Variants in HEXB observed in about 807,000 individuals in gnomAD.
HEXB encodes the protein beta-hexosaminidase subunit beta.
Under a neutral mutation model 71.2 loss-of-function variants are expected in HEXB, and 51 were observed. The observed-to-expected ratio is 0.72, with a 90% CI of 0.57 to 0.90. The LOEUF is 0.90. Among genes scored for constraint, HEXB ranks in the 40% least tolerant of loss-of-function variants. HEXB has a pLI of 0.00. For synonymous variants in HEXB, 266 were observed against 249.3 expected (o/e 1.07, Z -0.63); for missense variants, 617 against 677.0 (o/e 0.91, Z 0.98).
At chr5:74,661,551 GTGTGTGTGTGTGTCTCTC>G (rs1185147533) in intron 1 of HEXB, among the ~76,000 whole-genome samples, 36 of 63,656 alleles carry the variant, frequency 5.7e-4, no homozygotes, top group South Asian at 9.5e-4. Context: ...GTGTGTGTGT[GTGTGTGTGTGTGTCTCTC>G]TCTCTCTCTC....
At chr5:74,657,320 G>A (rs1221430349) in intron 1 of HEXB, among the ~76,000 whole-genome samples, 1 of 152,126 alleles carries the variant, frequency 6.6e-6, no homozygotes, top group African/African-American at 2.4e-5. Flanking sequence ...TCAGGACACT[G>A]GCACTTACTG....
intron 1 of HEXB, among the ~76,000 whole-genome samples, chr5:74,664,054 G>A (rs1372364382): frequency 1.3e-5 from 2 of 152,070 alleles, no homozygotes; most frequent in Non-Finnish European, 2.9e-5. Flanking sequence ...TCAGGAGTTT[G>A]TGACCAGGCT....
upstream of HEXB, among the ~76,000 whole-genome samples, chr5:74,682,874 G>T (rs930939331): frequency 2.0e-5 from 3 of 152,142 alleles, no homozygotes; most frequent in African/African-American, 7.2e-5. Flanking sequence ...TATAACAAAA[G>T]AGCAGATTAA....
chr5:74,665,414 CTGTGTG>C (rs34012729), intron 1 of HEXB, among the ~76,000 whole-genome samples: 2 of 150,094 alleles, frequency 1.3e-5, no homozygotes, highest in Non-Finnish European at 3.0e-5. Context: ...ACACTTTTCT[CTGTGTG>C]TGTGTGTGTG....
Position 74,693,715 on chromosome 5 carries a change from T to C in HEXB, c.511+11T>C. The C allele has an allele frequency of 2.5e-6, 4 of 1,601,286 alleles. No homozygotes were observed. The highest frequency in any genetic ancestry group is 3.4e-6 in the Non-Finnish European group (4 of 1,168,276). On this transcript the variant is annotated intron_variant, in intron 3 of 13. Coordinates refer to ENST00000261416, the MANE Select transcript of HEXB (RefSeq NM_000521.4). ...GGGGAGCATTACGAGGTAAGTTCCA[T>C]GCAGTTTCATTGTTACTTTCCAGTA...
At chr5:74,717,557 T>C (rs1749701779) in intron 9 of HEXB, among the ~76,000 whole-genome samples, 1 of 151,852 alleles carries the variant, frequency 6.6e-6, no homozygotes, top group African/African-American at 2.4e-5. Context: ...TGGCAAACTT[T>C]TTCTGTAAAG....
chr5:74,650,731 C>T (rs780357278), intron 1 of HEXB, among the ~76,000 whole-genome samples: 1 of 151,546 alleles, frequency 6.6e-6, no homozygotes, highest in Non-Finnish European at 1.5e-5. Flanking sequence ...ACCATCCGGG[C>T]TAACACGGTG....
At chr5:74,650,876 G>A (rs184589309) in intron 1 of HEXB, among the ~76,000 whole-genome samples, 1,654 of 147,894 alleles carry the variant, frequency 0.011, 25 homozygotes, top group African/African-American at 0.038. Context: ...CAGTGAGCTG[G>A]GATCACGCCA....
chr5:74,719,299 A>G (rs2112181710), intron 11 of HEXB, among the ~76,000 whole-genome samples: 1 of 152,254 alleles, frequency 6.6e-6, no homozygotes, highest in Non-Finnish European at 1.5e-5. Context: ...TGATTGCATT[A>G]ACCTTACATG....
chr5:74,718,378 G>A lies in HEXB; in HGVS notation c.1242+15G>A. 1 of 1,546,338 alleles carries A rather than the reference G, an allele frequency of 6.5e-7. No individual in the cohort carries two copies. Among genetic ancestry groups the A allele is most frequent in the South Asian group, 1.1e-5 (1 of 89,726 alleles). On this transcript the variant is annotated intron_variant, in intron 10 of 13. Transcript: ENST00000261416. Reference sequence around the variant, plus strand: ...ATAAAGCAAAGGTGAGCATTGTGAAGACTGCATCTGATCAATATAAGAGAC... The same window carrying A: ...ATAAAGCAAAGGTGAGCATTGTGAAAACTGCATCTGATCAATATAAGAGAC...
At chr5:74,716,861 C>A in intron 9 of HEXB, 188 bp downstream of exon 9, 1 of 482,126 alleles carries the variant, frequency 2.1e-6, no homozygotes. Context: ...TTTCCAATAG[C>A]TGTTGAAATA....
intron 5 of HEXB, 123 bp from the exon 6 acceptor site, chr5:74,705,091 CAAAAA>C (rs10644603): frequency 3.4e-3 from 1,489 of 437,416 alleles, no homozygotes; most frequent in South Asian, 5.1e-3. Context: ...GACCCTGTCT[CAAAAA>C]AAAAAAAAAA....
chr5:74,701,000 G>A (rs192285419), intron 5 of HEXB, among the ~76,000 whole-genome samples: 72 of 151,584 alleles, frequency 4.7e-4, no homozygotes, highest in Middle Eastern at 6.9e-3. Context: ...GAGCCCCCAT[G>A]CCTGGCAAAA....
Position 74,713,494 on chromosome 5 carries a change from T to C in HEXB, c.772-12T>C, listed in dbSNP as rs1749599534. ...TTGTACATTTTAACTTGAATAAATA[T>C]GGCTTTTACAGGGAAGCTATTCTTT... On this transcript the variant is annotated splice_polypyrimidine_tract_variant and intron_variant, in intron 6 of 13. Transcript: ENST00000261416. 10 of 1,609,738 alleles carry C rather than the reference T, an allele frequency of 6.2e-6. No individual in the cohort carries two copies. In the African/African-American group the frequency reaches 8.0e-5, roughly 13 times the overall value.
intron 1 of HEXB, among the ~76,000 whole-genome samples, chr5:74,643,309 C>T (rs73762926): frequency 0.027 from 4,188 of 152,314 alleles, 186 homozygotes; most frequent in African/African-American, 0.095. Flanking sequence ...TAACTCTTAT[C>T]ACCCCACTCA....
At chr5:74,663,656 C>G (rs1254107652) in intron 1 of HEXB, among the ~76,000 whole-genome samples, 1 of 152,136 alleles carries the variant, frequency 6.6e-6, no homozygotes, top group Non-Finnish European at 1.5e-5. Flanking sequence ...TCAAGGGTTT[C>G]AAAGTCAGGC....
chr5:74,660,804 AG>A (rs552285807), intron 1 of HEXB, among the ~76,000 whole-genome samples: 1 of 152,240 alleles, frequency 6.6e-6, no homozygotes, highest in Non-Finnish European at 1.5e-5. Context: ...CTCATCAAAG[AG>A]GCCTCTGATC....
chr5:74,712,392 GC>G (rs2112169588), intron 6 of HEXB, among the ~76,000 whole-genome samples: 1 of 150,886 alleles, frequency 6.6e-6, no homozygotes, highest in Non-Finnish European at 1.5e-5. Flanking sequence ...TAACTAACCT[GC>G]ACATTGTGCA....
At position 74,705,429 on chromosome 5, in the gene HEXB, A is replaced by C; in HGVS notation, c.771+109A>C. On this transcript the variant is annotated intron_variant, in intron 6 of 13. Coordinates refer to ENST00000261416, the MANE Select transcript of HEXB (RefSeq NM_000521.4). ...TGGATAGAATCAAAGTGTAAAAATC[A>C]GATGTTTATGGTTTTTAATTTTTTT... 4.0e-6 allele frequency: 3 copies of C among 754,310 alleles called. No individual in the cohort carries two copies. In the South Asian group the frequency reaches 4.5e-5, roughly 11 times the overall value. The allele number at this position is 754,310 out of a possible 1,614,324, so 46.7% of individuals were successfully genotyped here.
Sources: gnomAD v4.1 joint callset for allele counts (sites outside exome capture counted in the v4.1 genomes callset) on GRCh38, gnomAD v4.1.1 for gene constraint, MANE v1.5 for transcripts, NCBI Gene and HGNC (gene_info 2026-07-23, HGNC 2026-07-21) for gene names.